PAXIP1: variants seen among roughly 807,000 people sequenced by gnomAD.
PAXIP1 encodes the protein PAX-interacting protein 1.
Under a neutral mutation model 140.6 loss-of-function variants are expected in PAXIP1, and 19 were observed. The observed-to-expected ratio is 0.14, with a 90% confidence interval of 0.09 to 0.20. The LOEUF is 0.20. Among genes scored for constraint, PAXIP1 ranks in the 10% least tolerant of loss-of-function variants. PAXIP1 has a pLI of 1.00. For missense variants in PAXIP1, 920 were observed against 1,208.6 expected, an observed-to-expected ratio of 0.76 and a Z score of 3.54; for synonymous variants, 442 against 444.6, an observed-to-expected ratio of 0.99 and a Z score of 0.07.
chr7:154,990,383 A>C (rs764369249), intron 4 of PAXIP1, among the ~76,000 whole-genome samples: 1 of 152,168 alleles, frequency 6.6e-6, no homozygotes, highest in African/African-American at 2.4e-5. Flanking sequence ...TGCAGGTGAA[A>C]ACGAAATGAG....
chr7:154,956,257 T>G lies in PAXIP1; in HGVS notation c.2550-626A>C, dbSNP rs773735504. On this transcript the variant is annotated intron_variant, in intron 14 of 20. Coordinates refer to ENST00000404141, the MANE Select transcript of PAXIP1 (RefSeq NM_007349.4). This position sits in a 1 kb window ranked among gnomAD's most constrained non-coding sequence, Gnocchi z 4.2. ...TTTCTGAGACAGTCCAATAAAAATT[T>G]ATTTTAAAATGTATTTGTGGTAATT... Among the ~76,000 whole-genome samples, 47 of 152,222 alleles carry G rather than the reference T, an allele frequency of 3.1e-4. No homozygotes were observed. The highest frequency in any genetic ancestry group is 4.1e-4 in the Non-Finnish European group (28 of 68,044).
intron 16 of PAXIP1, chr7:154,950,893 G>A (rs1007194740): frequency 1.3e-5 from 2 of 152,206 alleles, no homozygotes; most frequent in African/African-American, 4.8e-5. Flanking sequence ...TATACTGTAT[G>A]ATTCCCAATA....
At position 154,963,777 on chromosome 7, in the gene PAXIP1, A is replaced by T; in HGVS notation, c.1894-11T>A. ...ATGTGCCTGGATTATCTACACACAA[A>T]GACCCGACCAATGCAGTCATCAATC... On this transcript the variant is annotated splice_polypyrimidine_tract_variant and intron_variant, in intron 8 of 20. Coordinates refer to ENST00000404141, the MANE Select transcript of PAXIP1 (RefSeq NM_007349.4). This position sits in a 1 kb window ranked among gnomAD's most constrained non-coding sequence, Gnocchi z 4.1. 1 of 1,597,112 alleles carries T rather than the reference A, an allele frequency of 6.3e-7. No homozygotes were observed.
chr7:154,995,540 G>A (rs892046394), intron 2 of PAXIP1, among the ~76,000 whole-genome samples: 8 of 152,168 alleles, frequency 5.3e-5, no homozygotes, highest in Admixed American at 5.2e-4. Context: ...TTATCCTAAA[G>A]GCAAAGAACA....
chr7:154,957,689 C>T (rs1023327438), intron 13 of PAXIP1, among the ~76,000 whole-genome samples: 1 of 152,074 alleles, frequency 6.6e-6, no homozygotes. Context: ...AAAACATGGC[C>T]GGGCGCGGTG....
intron 6 of PAXIP1, among the ~76,000 whole-genome samples, chr7:154,971,921 GAA>G (rs1178497024): frequency 6.6e-6 from 1 of 152,142 alleles, no homozygotes; most frequent in Non-Finnish European, 1.5e-5. Context: ...TTGCATTGCT[GAA>G]AGTCTCTCAG....
At position 154,973,017 on chromosome 7, in the gene PAXIP1, C is replaced by A. The variant is rs1037843612; in HGVS notation, c.1074+2679G>T. 6.6e-6 allele frequency among the ~76,000 whole-genome samples: 1 copy of A among 152,246 alleles called. No homozygotes were observed. Among genetic ancestry groups the A allele is most frequent in the South Asian group, 2.1e-4 (1 of 4,834 alleles). ...GCTTTATCCCGCCCACCTGCCTGGA[C>A]GCGGATGTGCAGGGACCAGGGCCGG... is the stretch of plus-strand genomic sequence containing the variant. On this transcript the variant is annotated intron_variant, in intron 6 of 20. Transcript: ENST00000404141. This position sits in a 1 kb window ranked among gnomAD's most constrained non-coding sequence, Gnocchi z 4.0.
rs530721353 is a variant in PAXIP1 at position 154,991,144 on chromosome 7, C to T, written c.261-75G>A. On this transcript the variant is annotated intron_variant, in intron 3 of 20. Transcript: ENST00000404141. ...TACTTCACTAACAGACATTACCCAC[C>T]CACTCCGTCCCCACTCAGTCCATTT... 5,947 of 682,498 alleles carry T rather than the reference C, an allele frequency of 8.7e-3. 46 individuals carry two copies. The highest frequency in any genetic ancestry group is 0.014 in the Middle Eastern group (57 of 4,164). 42.3% of individuals were successfully genotyped at this position (682,498 alleles called of 1,614,324 possible). A position where few individuals can be genotyped will look rare whatever the true frequency, so the allele number is the denominator to read the frequency against.
rs1296317362 is a variant in PAXIP1 at position 154,946,107 on chromosome 7, C to T, written c.3194+258G>A. On this transcript the variant is annotated intron_variant, in intron 20 of 20. Transcript: ENST00000404141. The surrounding 1 kb of genome is among the most constrained non-coding windows in gnomAD (Gnocchi z 4.9). The stretch of plus-strand genomic sequence containing the variant: ...TATCTAATTGTCAAATTCTTTAATA[C>T]CTCCATAAACTAGACAGTATAGATC... 9.2e-6 allele frequency: 9 copies of T among 973,228 alleles called. No individual in the cohort carries two copies. The highest frequency in any genetic ancestry group is 1.1e-5 in the Non-Finnish European group (9 of 818,976). The allele number at this position is 973,228 out of a possible 1,614,324, so 60.3% of individuals were successfully genotyped here.
At chr7:154,966,252 G>A (rs1236698985) in intron 8 of PAXIP1, among the ~76,000 whole-genome samples, 4 of 152,086 alleles carry the variant, frequency 2.6e-5, no homozygotes, top group Non-Finnish European at 5.9e-5. Context: ...TGGCCCCCGC[G>A]CACTGCACTG....
At chr7:154,984,355 T>G (rs1355183150) in intron 4 of PAXIP1, among the ~76,000 whole-genome samples, 1 of 152,260 alleles carries the variant, frequency 6.6e-6, no homozygotes, top group Non-Finnish European at 1.5e-5. Flanking sequence ...AAATTTTTTC[T>G]GGATAAATTT....
At chr7:155,002,818 G>C (rs527976514) in intron 1 of PAXIP1, 31 bp downstream of exon 1, 2 of 1,291,852 alleles carry the variant, frequency 1.5e-6, no homozygotes, top group Non-Finnish European at 2.1e-6. Context: ...GCGGACGGGG[G>C]AGGAGGCCGC....
intron 3 of PAXIP1, 44 bp downstream of exon 3, chr7:154,993,682 C>T: frequency 6.9e-7 from 1 of 1,454,148 alleles, no homozygotes; most frequent in Non-Finnish European, 9.5e-7. Flanking sequence ...GTCTTAAACC[C>T]AGAGTTACCC....
At chr7:154,982,778 C>A (rs1809902605) in intron 5 of PAXIP1, among the ~76,000 whole-genome samples, 1 of 152,038 alleles carries the variant, frequency 6.6e-6, no homozygotes, top group Non-Finnish European at 1.5e-5. Flanking sequence ...CTTATCAAGA[C>A]AAAAGTCATT....
chr7:154,949,297 G>A (rs1285013470), intron 16 of PAXIP1: 1 of 152,104 alleles, frequency 6.6e-6, no homozygotes, highest in East Asian at 1.9e-4. Context: ...ACCATTTTCA[G>A]CGTATGGACC....
At position 154,968,754 on chromosome 7, in the gene PAXIP1, G is replaced by A. The variant is rs186908992; in HGVS notation, c.1447C>T (p.Arg483Cys). Residue 483 changes from arginine (R) to cysteine (C), a missense_variant, in exon 7 of 21, where the codon CGC becomes TGC. This residue lies in a region of PAXIP1 where 133 missense variants were observed against 88.4 expected (regional missense o/e 1.50). Coordinates refer to ENST00000404141, the MANE Select transcript of PAXIP1 (RefSeq NM_007349.4). ...AAGGGCTGGAGCTGCTGCTGAGGGC[G>A]ATGCAGCTGCTGTGGAGGATGCAAC... ...QQLHPPQQLH[R>C]PQQQLQPFQQ... 5.8e-5 allele frequency: 42 copies of A among 719,190 alleles called. No individual in the cohort carries two copies. Among genetic ancestry groups the A allele is most frequent in the East Asian group, 3.5e-4 (13 of 37,278 alleles). The allele number at this position is 719,190 out of a possible 1,614,324, so 44.6% of individuals were successfully genotyped here. A position where few individuals can be genotyped will look rare whatever the true frequency, so the allele number is the denominator to read the frequency against.
At chr7:154,998,914 A>G (rs959996510) in intron 1 of PAXIP1, 130 bp from the exon 2 acceptor site, 36 of 786,472 alleles carry the variant, frequency 4.6e-5, no homozygotes, top group Non-Finnish European at 7.2e-5. Flanking sequence ...CATAAAAACT[A>G]ACAGCCTTTT....
chr7:154,959,089 G>C (rs1006671086), intron 13 of PAXIP1, among the ~76,000 whole-genome samples: 1 of 152,188 alleles, frequency 6.6e-6, no homozygotes, highest in Non-Finnish European at 1.5e-5. Flanking sequence ...TAAGTCAGTA[G>C]ATGAATAACC....
intron 12 of PAXIP1, 115 bp from the exon 13 acceptor site, chr7:154,960,048 C>A (rs1359251155): frequency 7.0e-6 from 5 of 712,042 alleles, no homozygotes; most frequent in African/African-American, 3.6e-5. Context: ...GCTGACAACA[C>A]TTAATAAGGA....
Sources: gnomAD v4.1 joint callset for allele counts (sites outside exome capture counted in the v4.1 genomes callset) on GRCh38, gnomAD v4.1.1 for gene constraint, gnomAD v4.1.1 regional missense constraint, Gnocchi (gnomAD v3.1) non-coding constraint, MANE v1.5 for transcripts, NCBI Gene and HGNC (gene_info 2026-07-23, HGNC 2026-07-21) for gene names.